The following ZNF804B variants were observed in gnomAD, a reference collection of about 807,000 sequenced individuals.
The protein encoded by ZNF804B is zinc finger protein 804B.
A neutral mutation model predicts 101.4 loss-of-function variants in ZNF804B; 80 were observed. The ratio of observed to expected loss-of-function variants is 0.79; its 90% CI spans 0.66 to 0.95. The LOEUF is 0.95. ZNF804B is among the 40% of genes least tolerant of loss of function. ZNF804B has a pLI of 0.00. For synonymous variants in ZNF804B, 622 were observed against 558.8 expected, an observed-to-expected ratio of 1.11 and a Z score of -1.59; for missense variants, 1,673 against 1,561.9, an observed-to-expected ratio of 1.07 and a Z score of -1.20.
intron 1 of ZNF804B, among the ~76,000 whole-genome samples, chr7:89,180,178 C>T (rs1788275407): frequency 6.6e-6 from 1 of 152,064 alleles, no homozygotes; most frequent in African/African-American, 2.4e-5. Flanking sequence ...TATTCAAGGT[C>T]CAAGGGCTCT....
chr7:88,845,301 GCA>G (rs372272018), intron 1 of ZNF804B, among the ~76,000 whole-genome samples: 11,948 of 149,972 alleles, frequency 0.08, 593 homozygotes, highest in East Asian at 0.25. Context: ...GCACGCGCGC[GCA>G]CACACACACA....
Position 89,334,882 on chromosome 7 carries a change from T to C in ZNF804B, c.1900T>C (p.Phe634Leu), listed in dbSNP as rs801840. ...DLSFPSYISR[F>L]KKHKLIPCSP... ...ATCTTTTCCTTCCTACATCTCTAGGTTTAAAAAGCATAAATTGATTCCCTG... is the reference window on the plus strand; with the variant it reads ...ATCTTTTCCTTCCTACATCTCTAGGCTTAAAAAGCATAAATTGATTCCCTG... The change falls in exon 4 of 4, where the codon TTT becomes CTT. Residue 634 changes from phenylalanine to leucine, a missense_variant. Coordinates refer to ENST00000333190, the MANE Select transcript of ZNF804B (RefSeq NM_181646.5). The C allele has an allele frequency of 1.2e-6, 2 of 1,613,472 alleles. No individual in the cohort carries two copies. Among genetic ancestry groups the C allele is most frequent in the Non-Finnish European group, 1.7e-6 (2 of 1,179,792 alleles).
intron 1 of ZNF804B, among the ~76,000 whole-genome samples, chr7:88,847,303 A>T: frequency 6.6e-6 from 1 of 152,212 alleles, no homozygotes; most frequent in Middle Eastern, 3.4e-3. Flanking sequence ...TCCATCAAAA[A>T]AAATTTGTTC....
At chr7:89,243,574 C>T (rs1789400471) in intron 2 of ZNF804B, among the ~76,000 whole-genome samples, 1 of 151,772 alleles carries the variant, frequency 6.6e-6, no homozygotes, top group Admixed American at 6.6e-5. Flanking sequence ...TATCTGGTAA[C>T]CCTACCTAGT....
chr7:89,134,457 A>G (rs1010988445), intron 1 of ZNF804B, among the ~76,000 whole-genome samples: 2 of 152,086 alleles, frequency 1.3e-5, no homozygotes, highest in Non-Finnish European at 2.9e-5. Context: ...GAAACAATGA[A>G]TGAAGAATGG....
intron 1 of ZNF804B, among the ~76,000 whole-genome samples, chr7:89,058,296 A>G (rs1204547726): frequency 6.6e-6 from 1 of 152,294 alleles, no homozygotes; most frequent in East Asian, 1.9e-4. Context: ...AATTACTGTC[A>G]TCAGGTTTCT....
intron 1 of ZNF804B, among the ~76,000 whole-genome samples, chr7:88,999,910 T>C (rs1458019729): frequency 1.3e-5 from 2 of 152,020 alleles, no homozygotes; most frequent in African/African-American, 4.8e-5. Context: ...GATTCCTTAT[T>C]TCATGTCCTA....
At chr7:88,816,403 G>A (rs901872764) in intron 1 of ZNF804B, among the ~76,000 whole-genome samples, 3 of 152,132 alleles carry the variant, frequency 2.0e-5, no homozygotes, top group Non-Finnish European at 4.4e-5. Flanking sequence ...AAACTAAAGA[G>A]CTTCTGCACA....
chr7:89,193,205 A>T (rs1788487843), intron 1 of ZNF804B, among the ~76,000 whole-genome samples: 1 of 151,880 alleles, frequency 6.6e-6, no homozygotes, highest in Non-Finnish European at 1.5e-5. Context: ...AGGAAGTCAA[A>T]CCATCTTTGT....
At position 89,335,771 on chromosome 7, in the gene ZNF804B, A is replaced by G. The variant is rs776283030; in HGVS notation, c.2789A>G (p.Glu930Gly). ...CCTCTAACAGCAAAAATCCTTTTAG[A>G]AAGAGTACAAGCCAAGAAATGTCAA... ...RTPLTAKILL[E>G]RVQAKKCQEQ... The change falls in exon 4 of 4, where the codon GAA becomes GGA. Residue 930 changes from glutamate to glycine, a missense_variant. Coordinates refer to ENST00000333190, the MANE Select transcript of ZNF804B (RefSeq NM_181646.5). 2 of 1,614,096 alleles carry G rather than the reference A, an allele frequency of 1.2e-6. No homozygotes were observed. Among genetic ancestry groups the G allele is most frequent in the Non-Finnish European group, 1.7e-6 (2 of 1,179,972 alleles).
At chr7:88,947,592 C>T (rs1216552088) in intron 1 of ZNF804B, among the ~76,000 whole-genome samples, 1 of 151,526 alleles carries the variant, frequency 6.6e-6, no homozygotes, top group Non-Finnish European at 1.5e-5. Flanking sequence ...ATGGGTGCAG[C>T]AAACCACCAT....
intron 1 of ZNF804B, among the ~76,000 whole-genome samples, chr7:89,171,356 T>TTCTTCTTCTTCTTCTTCTTCC (rs1282426438): frequency 2.0e-5 from 2 of 99,276 alleles, no homozygotes; most frequent in Non-Finnish European, 2.2e-5. Context: ...CTTCTTCTTC[T>TTCTTCTTCTTCTTCTTCTTCC]TCCTCCTCTT....
chr7:89,216,160 AG>A (rs1308570683), intron 1 of ZNF804B, among the ~76,000 whole-genome samples: 11 of 151,754 alleles, frequency 7.2e-5, no homozygotes, highest in Middle Eastern at 3.4e-3. Context: ...AAAAAAACGT[AG>A]CTGGGCGCGG....
chr7:88,845,297 G>GCA (rs200482259), intron 1 of ZNF804B, among the ~76,000 whole-genome samples: 32 of 119,888 alleles, frequency 2.7e-4, no homozygotes, highest in African/African-American at 7.3e-4. Context: ...GCGCGCACGC[G>GCA]CGCGCACACA....
chr7:89,223,225 A>G (rs1789032679), intron 2 of ZNF804B, among the ~76,000 whole-genome samples: 1 of 151,860 alleles, frequency 6.6e-6, no homozygotes, highest in Non-Finnish European at 1.5e-5. Context: ...TGACCTTCCA[A>G]AAATATGCTC....
intron 1 of ZNF804B, among the ~76,000 whole-genome samples, chr7:88,979,485 T>C (rs1377006752): frequency 1.3e-5 from 2 of 151,952 alleles, no homozygotes; most frequent in Non-Finnish European, 2.9e-5. Context: ...TTTGGCACTT[T>C]AAACATGTTA....
At chr7:88,859,747 T>A (rs1791620372) in intron 1 of ZNF804B, among the ~76,000 whole-genome samples, 1 of 151,958 alleles carries the variant, frequency 6.6e-6, no homozygotes, top group South Asian at 2.1e-4. Context: ...TGTGCATGCA[T>A]ATGGAAATAT....
At chr7:89,261,904 A>G (rs1562930604) in intron 2 of ZNF804B, among the ~76,000 whole-genome samples, 1 of 152,168 alleles carries the variant, frequency 6.6e-6, no homozygotes, top group South Asian at 2.1e-4. Context: ...GTTATTATAT[A>G]GCTTAGTCAT....
At chr7:88,883,823 AG>A (rs1384444266) in intron 1 of ZNF804B, among the ~76,000 whole-genome samples, 5 of 116,604 alleles carry the variant, frequency 4.3e-5, no homozygotes, top group Admixed American at 4.2e-4. Context: ...TGTGTGTTTA[AG>A]TAATAGTGTA....
Sources: gnomAD v4.1 joint callset for allele counts (sites outside exome capture counted in the v4.1 genomes callset) on GRCh38, gnomAD v4.1.1 for gene constraint, MANE v1.5 for transcripts, NCBI Gene and HGNC (gene_info 2026-07-23, HGNC 2026-07-21) for gene names.